The following HIP1 variants were observed in gnomAD, a reference collection of about 807,000 sequenced individuals.
HIP1 encodes huntingtin interacting protein 1.
A neutral mutation model predicts 147.6 loss-of-function variants in HIP1; 65 were observed. That is an observed-to-expected ratio of 0.44 (90% CI 0.36 to 0.54). The LOEUF (loss-of-function observed/expected upper bound fraction) is 0.54. Ranked by LOEUF, HIP1 falls within the 20% of genes least tolerant of loss-of-function variation. HIP1 has a pLI of 0.00. For missense variants in HIP1, 1,061 were observed against 1,299.6 expected (o/e 0.82, Z 2.82); for synonymous variants, 479 against 504.0 (o/e 0.95, Z 0.67).
intron 7 of HIP1, among the ~76,000 whole-genome samples, chr7:75,576,641 G>A (rs1158211265): frequency 1.3e-5 from 2 of 152,166 alleles, no homozygotes; most frequent in African/African-American, 4.8e-5. Context: ...AGAATTGCTT[G>A]GAGGCTGCAG....
chr7:75,706,482 T>A (rs927703172), intron 1 of HIP1, among the ~76,000 whole-genome samples: 11 of 144,800 alleles, frequency 7.6e-5, no homozygotes, highest in East Asian at 1.9e-4. Flanking sequence ...TCTTTTTTTT[T>A]ATTTTTTTTT....
At chr7:75,714,040 T>C (rs1033480980) in intron 1 of HIP1, among the ~76,000 whole-genome samples, 1 of 151,242 alleles carries the variant, frequency 6.6e-6, no homozygotes, top group Admixed American at 6.6e-5. Flanking sequence ...CATTTTATTT[T>C]ATTTTTTCTT....
chr7:75,648,935 G>A (rs1427818989), intron 1 of HIP1, among the ~76,000 whole-genome samples: 4 of 152,110 alleles, frequency 2.6e-5, no homozygotes, highest in Non-Finnish European at 5.9e-5. Flanking sequence ...GTGAGACCTG[G>A]TCTCACTGGG....
intron 5 of HIP1, among the ~76,000 whole-genome samples, chr7:75,585,832 T>A (rs1796251264): frequency 1.3e-5 from 2 of 152,008 alleles, no homozygotes; most frequent in Admixed American, 1.3e-4. Flanking sequence ...CTTTTTTCTG[T>A]GAAACAGGGC....
intron 1 of HIP1, among the ~76,000 whole-genome samples, chr7:75,711,799 G>A (rs1801172986): frequency 6.6e-6 from 1 of 152,002 alleles, no homozygotes; most frequent in Non-Finnish European, 1.5e-5. Context: ...AAGATCTCAG[G>A]GCCTCATCCC....
chr7:75,660,920 T>C (rs143656026), intron 1 of HIP1, among the ~76,000 whole-genome samples: 9 of 151,976 alleles, frequency 5.9e-5, no homozygotes, highest in South Asian at 2.1e-4. Context: ...ACCAAAGACA[T>C]AGCATCGGGG....
At chr7:75,554,630 C>T (rs1794921661) in intron 19 of HIP1, 104 bp from the exon 20 acceptor site, 3 of 763,184 alleles carry the variant, frequency 3.9e-6, no homozygotes, top group South Asian at 3.0e-5. Context: ...GGGTAAGCTT[C>T]CTGCCTAGAC....
At chr7:75,622,790 C>T (rs1278428955) in intron 1 of HIP1, among the ~76,000 whole-genome samples, 1 of 152,010 alleles carries the variant, frequency 6.6e-6, no homozygotes, top group Non-Finnish European at 1.5e-5. Flanking sequence ...CTGTAGTGAG[C>T]TATGACTGCG....
At chr7:75,618,035 C>A (rs1414488549) in intron 1 of HIP1, among the ~76,000 whole-genome samples, 1 of 152,250 alleles carries the variant, frequency 6.6e-6, no homozygotes, top group Non-Finnish European at 1.5e-5. Context: ...TCCGGATAGG[C>A]AGCTTGTCAG....
rs1795736607 is a variant in HIP1, at chr7:75,573,831, C to T, written c.675G>A (p.Leu225=). Residue 225 remains leucine, a synonymous_variant, in exon 8 of 31, where the codon CTG becomes CTA. Transcript: ENST00000336926. Reference sequence around the variant, plus strand: ...GGCTGCAGTCCAAGATGACCTGGATCAGCGGGGCGAGGCGGCACTGCCCTG... The same window carrying T: ...GGCTGCAGTCCAAGATGACCTGGATTAGCGGGGCGAGGCGGCACTGCCCTG... ...TAAGQCRLAP[L]IQVILDCSHL... is the part of the protein sequence containing the mutation. The T allele has an allele frequency of 6.2e-7, 1 of 1,614,140 alleles. No homozygotes were observed. Among genetic ancestry groups the T allele is most frequent in the Non-Finnish European group, 8.5e-7 (1 of 1,180,008 alleles).
At chr7:75,608,050 T>C (rs1797293506) in intron 1 of HIP1, among the ~76,000 whole-genome samples, 1 of 152,166 alleles carries the variant, frequency 6.6e-6, no homozygotes, top group South Asian at 2.1e-4. Context: ...CTCACGCCTG[T>C]AATCCTAGCA....
intron 30 of HIP1, among the ~76,000 whole-genome samples, chr7:75,538,699 T>C (rs978983067): frequency 8.6e-5 from 13 of 151,106 alleles, no homozygotes; most frequent in African/African-American, 2.2e-4. Flanking sequence ...CTCAGCCTCC[T>C]GAGTAGCTGG....
intron 1 of HIP1, among the ~76,000 whole-genome samples, chr7:75,630,759 A>G (rs1124922): frequency 0.047 from 7,082 of 152,148 alleles, 213 homozygotes; most frequent in East Asian, 0.11. Context: ...CACCACATGT[A>G]TTGCAACTAC....
In HIP1 at chr7:75,542,900, G is replaced by A. The variant is rs782508107; in HGVS notation, c.2841C>T (p.Ala947=). Residue 947 remains alanine (A), a synonymous_variant, in exon 28 of 31, where the codon GCC becomes GCT. Coordinates refer to ENST00000336926, the MANE Select transcript of HIP1 (RefSeq NM_005338.7). ...QASRGVNQAT[A]GVVASTISGK... is the part of the protein sequence containing the mutation. ...CGGAAATGGTTGAGGCCACAACGCC[G>A]GCAGTGGCCTGGTTCACTCCCCGAG... 7 of 1,613,808 alleles carry A rather than the reference G, an allele frequency of 4.3e-6. No homozygotes were observed. Among genetic ancestry groups the A allele is most frequent in the African/African-American group, 2.7e-5 (2 of 74,880 alleles).
rs62475505 is a variant in HIP1, at chr7:75,663,971, T to C, written c.121-64724A>G. On this transcript the variant is annotated intron_variant, in intron 1 of 30. Transcript: ENST00000336926. Reference sequence around the variant, plus strand: ...ATACACATATATGTGTATATATATATACACATATATGTGTATATATATACA... The same window carrying C: ...ATACACATATATGTGTATATATATACACACATATATGTGTATATATATACA... 6.3e-3 allele frequency among the ~76,000 whole-genome samples: 78 copies of C among 12,378 alleles called. 8 individuals carry two copies. The highest frequency in any genetic ancestry group is 0.03 in the African/African-American group (51 of 1,684). 8.1% of individuals were successfully genotyped at this position (12,378 alleles called of 152,430 possible).
At chr7:75,582,248 G>C in intron 5 of HIP1, 97 bp from the exon 6 acceptor site, 1 of 893,468 alleles carries the variant, frequency 1.1e-6, no homozygotes, top group South Asian at 1.4e-5. Context: ...CCAGCTACTT[G>C]GGAGGCCGAG....
intron 1 of HIP1, chr7:75,625,296 G>A (rs1797997531): frequency 6.6e-6 from 1 of 152,254 alleles, no homozygotes; most frequent in African/African-American, 2.4e-5. Flanking sequence ...CCGGTCAAGT[G>A]TTGCATTAAG....
At chr7:75,539,556 G>C in intron 29 of HIP1, 125 bp from the exon 30 acceptor site, 1 of 702,834 alleles carries the variant, frequency 1.4e-6, no homozygotes, top group Non-Finnish European at 2.4e-6. Context: ...CTGGCCTCAA[G>C]AGATCCTCCT....
intron 1 of HIP1, among the ~76,000 whole-genome samples, chr7:75,647,663 C>G (rs1563267920): frequency 6.6e-6 from 1 of 152,238 alleles, no homozygotes; most frequent in Non-Finnish European, 1.5e-5. Context: ...CACCATGATG[C>G]TCTGGGTCAG....
Sources: allele counts gnomAD v4.1 joint callset (sites outside exome capture counted in the v4.1 genomes callset), GRCh38; gene constraint gnomAD v4.1.1; transcripts MANE v1.5; gene names NCBI Gene and HGNC (gene_info 2026-07-23, HGNC 2026-07-21).